The following SRGAP3 variants were observed in gnomAD, a reference collection of about 807,000 sequenced individuals.
SRGAP3 encodes the protein SLIT-ROBO Rho GTPase activating protein 3.
In SRGAP3, 39 loss-of-function variants were observed where a neutral mutation model predicts 121.1. That is an observed-to-expected ratio of 0.32 (90% CI 0.25 to 0.42). The LOEUF (loss-of-function observed/expected upper bound fraction) is 0.42. SRGAP3 is among the 10% of genes least tolerant of loss of function. SRGAP3 has a pLI of 1.00. For synonymous variants in SRGAP3, 601 were observed against 570.0 expected (o/e 1.05, Z -0.77); for missense variants, 1,213 against 1,470.6 (o/e 0.82, Z 2.86).
intron 3 of SRGAP3, among the ~76,000 whole-genome samples, chr3:9,304,787 T>C (rs1212286681): frequency 6.6e-6 from 1 of 152,074 alleles, no homozygotes; most frequent in African/African-American, 2.4e-5. Context: ...CAATTTTGAG[T>C]CCCTTATTCC....
At chr3:9,111,965 T>G (rs1948639898) in intron 2 of SRGAP3, among the ~76,000 whole-genome samples, 2 of 152,206 alleles carry the variant, frequency 1.3e-5, no homozygotes, top group African/African-American at 4.8e-5. Context: ...AATGAACATT[T>G]CTGGTGAGTC....
chr3:9,316,486 G>C (rs1238403267), intron 3 of SRGAP3, among the ~76,000 whole-genome samples: 1 of 151,882 alleles, frequency 6.6e-6, no homozygotes, highest in African/African-American at 2.4e-5. Context: ...GTGAAACCCC[G>C]TCTCTACTAA....
At chr3:9,173,820 A>G (rs1462465636) in intron 1 of SRGAP3, among the ~76,000 whole-genome samples, 1 of 152,156 alleles carries the variant, frequency 6.6e-6, no homozygotes, top group Non-Finnish European at 1.5e-5. Context: ...GACATATTGC[A>G]GTCTCTTAGT....
At chr3:9,257,600 T>C (rs188374910) in intron 3 of SRGAP3, 1 of 150,980 alleles carries the variant, frequency 6.6e-6, no homozygotes, top group East Asian at 1.9e-4. Context: ...AATAACAATG[T>C]GCAAAAGAAG....
intron 4 of SRGAP3, among the ~76,000 whole-genome samples, chr3:9,079,630 C>T (rs1947144141): frequency 1.3e-5 from 2 of 152,164 alleles, no homozygotes; most frequent in African/African-American, 4.8e-5. Flanking sequence ...TGCCTATGGT[C>T]CTACAGTTGG....
intron 1 of SRGAP3, among the ~76,000 whole-genome samples, chr3:9,155,815 C>G (rs181356114): frequency 6.6e-6 from 1 of 152,022 alleles, no homozygotes; most frequent in Admixed American, 6.6e-5. Flanking sequence ...TTTATAGATG[C>G]TATTGCTTTC....
intron 4 of SRGAP3, 27 bp from the exon 5 acceptor site, chr3:9,064,608 A>C (rs1047161039): frequency 1.2e-6 from 2 of 1,613,536 alleles, no homozygotes; most frequent in Non-Finnish European, 1.7e-6. Context: ...AGGGGAAATC[A>C]GCAGCCAGCT....
intron 1 of SRGAP3, chr3:9,348,941 GAAGA>G (rs2029904403): frequency 1.0e-6 from 1 of 959,270 alleles, no homozygotes; most frequent in South Asian, 1.3e-5. Context: ...CTTTTGGAAT[GAAGA>G]AATAGTTCCC....
chr3:9,250,985 C>T (rs1336828141), upstream of SRGAP3, among the ~76,000 whole-genome samples: 1 of 152,172 alleles, frequency 6.6e-6, no homozygotes, highest in Non-Finnish European at 1.5e-5. Flanking sequence ...TCCCAAATTT[C>T]TCAAAATAGG....
chr3:9,302,087 T>C (rs1476354857), intron 3 of SRGAP3, among the ~76,000 whole-genome samples: 5 of 152,198 alleles, frequency 3.3e-5, no homozygotes, highest in Non-Finnish European at 7.4e-5. Context: ...CCTCAGTGCC[T>C]TATGTACGTT....
At chr3:9,248,450 C>T (rs959322968) in intron 1 of SRGAP3, among the ~76,000 whole-genome samples, 4 of 152,058 alleles carry the variant, frequency 2.6e-5, no homozygotes, top group African/African-American at 9.7e-5. Context: ...AAACCACCAC[C>T]ACCAACAGAA....
chr3:9,051,407 T>A (rs1378918445), intron 9 of SRGAP3, among the ~76,000 whole-genome samples: 2 of 152,166 alleles, frequency 1.3e-5, no homozygotes, highest in African/African-American at 4.8e-5. Flanking sequence ...GCTTACTGAA[T>A]CTGCAGGTGA....
At chr3:9,099,486 C>T (rs564095487) in intron 3 of SRGAP3, among the ~76,000 whole-genome samples, 5 of 152,202 alleles carry the variant, frequency 3.3e-5, no homozygotes, top group Non-Finnish European at 7.3e-5. Flanking sequence ...TAGCGGGGAG[C>T]AGGAGAGCAA....
chr3:9,047,053 C>A (rs967384570), intron 10 of SRGAP3, among the ~76,000 whole-genome samples: 14 of 152,232 alleles, frequency 9.2e-5, no homozygotes, highest in Non-Finnish European at 1.8e-4. Flanking sequence ...AGGATGGTCT[C>A]GATCTCCTGA....
chr3:9,127,095 G>A (rs1374960677), intron 1 of SRGAP3, among the ~76,000 whole-genome samples: 2 of 152,084 alleles, frequency 1.3e-5, no homozygotes, highest in Non-Finnish European at 2.9e-5. Flanking sequence ...GCTGAGGCAG[G>A]AGAATCACTT....
chr3:9,128,900 C>T (rs558298834), intron 1 of SRGAP3, among the ~76,000 whole-genome samples: 3 of 152,240 alleles, frequency 2.0e-5, no homozygotes, highest in South Asian at 2.1e-4. Flanking sequence ...TCACGTTTGA[C>T]GGGTATTGAT....
rs570285488 is a variant in SRGAP3, at chr3:9,208,103, C to T, written c.67+40782G>A. 5.3e-5 allele frequency among the ~76,000 whole-genome samples: 8 copies of T among 152,210 alleles called. No homozygotes were observed. The East Asian group carries it at 1.5e-3, about 29-fold the overall frequency. Reference sequence around the variant, plus strand: ...CCGCAAATGATTCATCTTTGTGTGGCCCCCTCCCACAGTTGCACTGGGCAC... The same window carrying T: ...CCGCAAATGATTCATCTTTGTGTGGTCCCCTCCCACAGTTGCACTGGGCAC... On this transcript the variant is annotated intron_variant, in intron 1 of 21. Coordinates refer to ENST00000383836, the MANE Select transcript of SRGAP3 (RefSeq NM_014850.4).
At chr3:9,284,141 A>G (rs1954727224) in intron 3 of SRGAP3, among the ~76,000 whole-genome samples, 1 of 152,230 alleles carries the variant, frequency 6.6e-6, no homozygotes, top group Non-Finnish European at 1.5e-5. Flanking sequence ...TTAATAAAAA[A>G]AAAAAGCTGG....
intron 1 of SRGAP3, among the ~76,000 whole-genome samples, chr3:9,331,309 A>T (rs1955602183): frequency 1.3e-5 from 2 of 152,226 alleles, no homozygotes; most frequent in Non-Finnish European, 2.9e-5. Flanking sequence ...CTCACAATTT[A>T]TGTAAGAGGC....
Sources: allele counts gnomAD v4.1 joint callset (sites outside exome capture counted in the v4.1 genomes callset), GRCh38; gene constraint gnomAD v4.1.1; transcripts MANE v1.5; gene names NCBI Gene and HGNC (gene_info 2026-07-23, HGNC 2026-07-21).